HDAC5: variants seen among roughly 807,000 people sequenced by gnomAD.
HDAC5 encodes the protein histone deacetylase 5, also known as antigen NY-CO-9.
Under a neutral mutation model 133.3 loss-of-function variants are expected in HDAC5, and 25 were observed. The ratio of observed to expected loss-of-function variants is 0.19; its 90% confidence interval spans 0.14 to 0.26. HDAC5 has a LOEUF of 0.26. Ranked by LOEUF, HDAC5 falls within the 10% of genes least tolerant of loss-of-function variation. The pLI is 1.00. For synonymous variants in HDAC5, 589 were observed against 610.8 expected (o/e 0.96, Z 0.53); for missense variants, 1,041 against 1,460.5 (o/e 0.71, Z 4.68).
intron 1 of HDAC5, 124 bp downstream of exon 1, chr17:44,123,380 A>C: frequency 8.1e-5 from 26 of 321,258 alleles, no homozygotes; most frequent in Middle Eastern, 8.5e-4. Flanking sequence ...GGAGGAAGGA[A>C]GGGGGGCGCG....
Position 44,077,601 on chromosome 17 carries a change from C to T in HDAC5, c.*775G>A, listed in dbSNP as rs1191282236. Reference sequence around the variant, plus strand: ...CCAGCAGAGGGGCAGGGAGGCCATCCGAGTAAGGTGGGGAGCAGACCTGGT... The same window carrying T: ...CCAGCAGAGGGGCAGGGAGGCCATCTGAGTAAGGTGGGGAGCAGACCTGGT... On this transcript the variant is annotated 3_prime_UTR_variant, in exon 27 of 27. Transcript: ENST00000682912. 2.6e-5 allele frequency: 4 copies of T among 152,328 alleles called. No homozygotes were observed. The highest frequency in any genetic ancestry group is 1.9e-4 in the East Asian group (1 of 5,194). The allele number at this position is 152,328 out of a possible 1,614,324, so 9.4% of individuals were successfully genotyped here.
At chr17:44,098,882 C>T (rs1023337136) in intron 3 of HDAC5, among the ~76,000 whole-genome samples, 4 of 147,864 alleles carry the variant, frequency 2.7e-5, no homozygotes, top group African/African-American at 5.0e-5. Flanking sequence ...TTTGGGAGTC[C>T]GAGGCGGGAG....
chr17:44,097,617 T>C (rs774542039), intron 3 of HDAC5, among the ~76,000 whole-genome samples: 6 of 152,214 alleles, frequency 3.9e-5, no homozygotes, highest in Non-Finnish European at 8.8e-5. Context: ...GGGTTATCTG[T>C]TCTTAGTCAA....
In HDAC5 at chr17:44,110,721, G is replaced by A. The variant is rs2052281363; in HGVS notation, c.94+8C>T. 3.1e-6 allele frequency: 5 copies of A among 1,612,080 alleles called. No homozygotes were observed. Among genetic ancestry groups the A allele is most frequent in the Non-Finnish European group, 3.4e-6 (4 of 1,178,534 alleles). Reference sequence around the variant, plus strand: ...ACAGAGGGCAGGCAGGGACATCAAGGCACTTACCTGTCACAGGGATGCTGT... The same window carrying A: ...ACAGAGGGCAGGCAGGGACATCAAGACACTTACCTGTCACAGGGATGCTGT... On this transcript the variant is annotated splice_region_variant and intron_variant, in intron 3 of 26. Transcript: ENST00000682912.
At chr17:44,095,852 C>T (rs140703653) in intron 3 of HDAC5, among the ~76,000 whole-genome samples, 6 of 151,858 alleles carry the variant, frequency 4.0e-5, no homozygotes, top group Admixed American at 2.0e-4. Flanking sequence ...TCTGGTCTTA[C>T]GGAGAACCGG....
At chr17:44,122,500 G>C (rs1252232268) in intron 1 of HDAC5, among the ~76,000 whole-genome samples, 1 of 152,118 alleles carries the variant, frequency 6.6e-6, no homozygotes, top group Non-Finnish European at 1.5e-5. Flanking sequence ...ACTGAGTGAT[G>C]GGTCCCTTTT....
chr17:44,107,100 G>A (rs2052001674), intron 3 of HDAC5, among the ~76,000 whole-genome samples: 1 of 151,994 alleles, frequency 6.6e-6, no homozygotes, highest in African/African-American at 2.4e-5. Context: ...GCATGCTACT[G>A]TGCCTGATTA....
At chr17:44,106,690 A>G (rs772639160) in intron 3 of HDAC5, among the ~76,000 whole-genome samples, 11 of 151,680 alleles carry the variant, frequency 7.3e-5, no homozygotes, top group Non-Finnish European at 1.5e-4. Flanking sequence ...TCCCAGGTTC[A>G]AGCGATTCTC....
chr17:44,082,117 C>T (rs879755951), intron 20 of HDAC5: 27 of 156,398 alleles, frequency 1.7e-4, no homozygotes, highest in Non-Finnish European at 3.0e-4. Context: ...GTGCCGACAT[C>T]CCCAGCTGAG....
Position 44,103,709 on chromosome 17 carries a change from T to G in HDAC5, c.94+7020A>C, listed in dbSNP as rs566358351. On this transcript the variant is annotated intron_variant, in intron 3 of 26. Coordinates refer to ENST00000682912, the MANE Select transcript of HDAC5 (RefSeq NM_005474.5). ...GTGGACCACTTCTCAGAATGGTTTT[T>G]TCTTTTTTTTTTTTTTGAGACGTAG... 1.7e-4 allele frequency among the ~76,000 whole-genome samples: 26 copies of G among 152,086 alleles called. No homozygotes were observed. In the South Asian group the frequency reaches 2.5e-3, roughly 15 times the overall value.
intron 14 of HDAC5, 172 bp from the exon 15 acceptor site, chr17:44,085,327 T>TC: frequency 1.9e-4 from 6 of 31,906 alleles, no homozygotes; most frequent in Non-Finnish European, 8.5e-4. Context: ...CCTCTCCAGC[T>TC]TTTTTTTTTT....
intron 12 of HDAC5, 51 bp from the exon 13 acceptor site, chr17:44,087,747 G>A (rs1220892885): frequency 3.9e-6 from 6 of 1,520,840 alleles, no homozygotes; most frequent in Non-Finnish European, 4.4e-6. Flanking sequence ...GAGCAGCTGT[G>A]CAGCCTAAAA....
intron 14 of HDAC5, 82 bp from the exon 15 acceptor site, chr17:44,085,237 C>A: frequency 7.2e-7 from 1 of 1,383,620 alleles, no homozygotes; most frequent in Non-Finnish European, 9.6e-7. Context: ...CAGCAGGGCT[C>A]ATGGAGCTGT....
At chr17:44,082,558 G>A (rs750663250) in intron 20 of HDAC5, 27 bp downstream of exon 20, 3 of 1,575,200 alleles carry the variant, frequency 1.9e-6, no homozygotes, top group East Asian at 2.2e-5. Context: ...ACCCGCCCCT[G>A]CCCAGCCCCA....
rs1424764722 is a variant in HDAC5, at chr17:44,078,481, G to A, written c.3329+19C>T. On this transcript the variant is annotated intron_variant, in intron 26 of 26. Transcript: ENST00000682912. The stretch of plus-strand genomic sequence containing the variant: ...CCAGCAGGGGTGAGGGCAGAGAGGT[G>A]GTGCGGGTTGCTGCTTACCTGGGGC... The A allele has an allele frequency of 1.9e-6, 3 of 1,596,696 alleles. No individual in the cohort carries two copies. The highest frequency in any genetic ancestry group is 1.7e-5 in the Admixed American group (1 of 58,646).
Position 44,088,532 on chromosome 17 carries a change from C to T in HDAC5, c.1454G>A (p.Gly485Asp). The T allele has an allele frequency of 6.2e-7, 1 of 1,613,480 alleles. No individual in the cohort carries two copies. Among genetic ancestry groups the T allele is most frequent in the Non-Finnish European group, 8.5e-7 (1 of 1,179,978 alleles). The change falls in exon 12 of 27, where the codon GGC becomes GAC. Residue 485 changes from glycine to aspartate, a missense_variant. Transcript: ENST00000682912. ...CAGGGGCCGATGCCGCGGGAGCTTG[C>T]CTACCGTCCGCATGCTGGTGGCCAC... The part of the protein sequence containing the change: ...ERVATSMRTV[G>D]KLPRHRPLSR...
chr17:44,119,845 A>C (rs189049), intron 1 of HDAC5: 79,233 of 152,088 alleles, frequency 0.52, 24,469 homozygotes, highest in South Asian at 0.72. Flanking sequence ...TCTCAGTGGG[A>C]AGTCAGGGAC....
chr17:44,099,482 T>TC (rs937545022), intron 3 of HDAC5, among the ~76,000 whole-genome samples: 2 of 151,212 alleles, frequency 1.3e-5, no homozygotes, highest in African/African-American at 4.8e-5. Flanking sequence ...GTTTTTTCTT[T>TC]TTTTTTTTTT....
intron 3 of HDAC5, among the ~76,000 whole-genome samples, chr17:44,095,075 G>A (rs530801246): frequency 1.4e-4 from 21 of 152,230 alleles, no homozygotes; most frequent in African/African-American, 4.3e-4. Flanking sequence ...GATTATAGGC[G>A]TGAGCCACTG....
Sources: gnomAD v4.1 joint callset for allele counts (sites outside exome capture counted in the v4.1 genomes callset) on GRCh38, gnomAD v4.1.1 for gene constraint, MANE v1.5 for transcripts, NCBI Gene and HGNC (gene_info 2026-07-23, HGNC 2026-07-21) for gene names.